The following FAM117B variants were observed in gnomAD, a reference collection of about 807,000 sequenced individuals.
The protein encoded by FAM117B is protein FAM117B.
In FAM117B, 22 loss-of-function variants were observed where a neutral mutation model predicts 52.8. The ratio of observed to expected loss-of-function variants is 0.42; its 90% CI spans 0.30 to 0.59. The LOEUF is 0.59. FAM117B is among the 20% of genes least tolerant of loss of function. The pLI is 0.22. For synonymous variants in FAM117B, 309 were observed against 324.1 expected, an observed-to-expected ratio of 0.95 and a Z score of 0.50; for missense variants, 678 against 802.6, an observed-to-expected ratio of 0.84 and a Z score of 1.88.
intron 1 of FAM117B, among the ~76,000 whole-genome samples, chr2:202,694,782 G>A (rs955193536): frequency 6.6e-6 from 1 of 151,966 alleles, no homozygotes; most frequent in Non-Finnish European, 1.5e-5. Flanking sequence ...TAATCTTTTG[G>A]GCTGGTACTA....
intron 1 of FAM117B, among the ~76,000 whole-genome samples, chr2:202,643,534 A>G (rs1689799491): frequency 6.6e-6 from 1 of 152,166 alleles, no homozygotes; most frequent in Non-Finnish European, 1.5e-5. Flanking sequence ...TTTTAAATTT[A>G]AATTTATTTT....
intron 1 of FAM117B, among the ~76,000 whole-genome samples, chr2:202,695,437 A>G (rs752637611): frequency 2.0e-5 from 3 of 151,876 alleles, no homozygotes; most frequent in Admixed American, 6.6e-5. Context: ...CCTTTGTCCA[A>G]CGTATGCACG....
chr2:202,708,847 TC>T (rs1191347215), intron 2 of FAM117B, among the ~76,000 whole-genome samples: 2 of 152,070 alleles, frequency 1.3e-5, no homozygotes, highest in African/African-American at 4.8e-5. Context: ...CAAGCGATCC[TC>T]CCACCTCAGC....
chr2:202,741,685 C>T (rs980920937), intron 4 of FAM117B, among the ~76,000 whole-genome samples: 30 of 151,884 alleles, frequency 2.0e-4, no homozygotes, highest in Admixed American at 1.2e-3. Flanking sequence ...TACAGGCGCC[C>T]GCCACCTCGC....
chr2:202,742,132 A>C (rs117481942), intron 4 of FAM117B, among the ~76,000 whole-genome samples: 3,775 of 152,296 alleles, frequency 0.025, 188 homozygotes, highest in East Asian at 0.16. Flanking sequence ...ATTTAACACA[A>C]TCCCAATAAA....
chr2:202,710,296 T>C (rs930788691), intron 2 of FAM117B, among the ~76,000 whole-genome samples: 1 of 152,214 alleles, frequency 6.6e-6, no homozygotes, highest in Non-Finnish European at 1.5e-5. Context: ...TTAATTTCTT[T>C]AATCAATGTT....
At chr2:202,660,778 C>G (rs1192406193) in intron 1 of FAM117B, among the ~76,000 whole-genome samples, 3 of 152,238 alleles carry the variant, frequency 2.0e-5, no homozygotes, top group Non-Finnish European at 4.4e-5. Flanking sequence ...CCTGGTTTCT[C>G]TCTGCACTGT....
chr2:202,747,243 A>C (rs1171555352), intron 4 of FAM117B, among the ~76,000 whole-genome samples: 1 of 152,158 alleles, frequency 6.6e-6, no homozygotes, highest in Non-Finnish European at 1.5e-5. Flanking sequence ...CATGGTAAAA[A>C]CTCTCAACAA....
intron 2 of FAM117B, among the ~76,000 whole-genome samples, chr2:202,715,228 C>T (rs1325641797): frequency 4.0e-5 from 6 of 149,586 alleles, no homozygotes; most frequent in African/African-American, 1.2e-4. Flanking sequence ...ACCTCCCTCC[C>T]GGACGGGGCG....
intron 4 of FAM117B, among the ~76,000 whole-genome samples, chr2:202,746,999 C>A (rs750138202): frequency 2.0e-5 from 3 of 149,948 alleles, no homozygotes; most frequent in Non-Finnish European, 3.0e-5. Context: ...GGGCCAGTAT[C>A]CCTATTGAAC....
In FAM117B at chr2:202,681,756, T is replaced by A. The variant is rs530200603; in HGVS notation, c.602-14125T>A. ...TGCATTGTAGAACACTCAGCGACAG[T>A]GATAGGGACAGGAGGCAGGGAAATT... On this transcript the variant is annotated intron_variant, in intron 1 of 7. Transcript: ENST00000392238. Among the ~76,000 whole-genome samples, 171 of 152,292 alleles carry A rather than the reference T, an allele frequency of 1.1e-3. 1 individual carries two copies. The highest frequency in any genetic ancestry group is 2.1e-3 in the Non-Finnish European group (140 of 68,018).
intron 4 of FAM117B, among the ~76,000 whole-genome samples, chr2:202,736,602 T>C (rs1449006282): frequency 3.3e-5 from 5 of 151,916 alleles, no homozygotes; most frequent in Non-Finnish European, 7.4e-5. Context: ...CTCATCAAAA[T>C]ATACAAAAAA....
At chr2:202,709,614 T>C (rs1479550159) in intron 2 of FAM117B, among the ~76,000 whole-genome samples, 38 of 152,346 alleles carry the variant, frequency 2.5e-4, no homozygotes, top group Non-Finnish European at 7.3e-5. Flanking sequence ...TCTTATTTCT[T>C]AGGTTGCTTT....
chr2:202,666,351 G>A (rs1330619997), intron 1 of FAM117B, among the ~76,000 whole-genome samples: 2 of 151,832 alleles, frequency 1.3e-5, no homozygotes, highest in East Asian at 3.9e-4. Context: ...ATTGAAGTTT[G>A]CATTGGAAAA....
intron 4 of FAM117B, among the ~76,000 whole-genome samples, chr2:202,737,886 A>G (rs1319770083): frequency 2.0e-5 from 3 of 152,136 alleles, no homozygotes; most frequent in Non-Finnish European, 4.4e-5. Flanking sequence ...ACAGGCATGA[A>G]CCACTGTGCC....
chr2:202,759,808 C>G (rs560889522), intron 7 of FAM117B, among the ~76,000 whole-genome samples: 1 of 152,088 alleles, frequency 6.6e-6, no homozygotes, highest in Non-Finnish European at 1.5e-5. Context: ...CCACCTGCCT[C>G]GGCCTACCAA....
At chr2:202,666,085 ACATT>A (rs1193677255) in intron 1 of FAM117B, among the ~76,000 whole-genome samples, 1 of 152,210 alleles carries the variant, frequency 6.6e-6, no homozygotes. Flanking sequence ...ACAGAAGAAA[ACATT>A]CATTCTGCAA....
At chr2:202,716,816 T>C (rs983785855) in intron 2 of FAM117B, among the ~76,000 whole-genome samples, 1 of 152,232 alleles carries the variant, frequency 6.6e-6, no homozygotes, top group African/African-American at 2.4e-5. Flanking sequence ...CTCTAATGCA[T>C]TCTTAAGTAT....
Position 202,765,998 on chromosome 2 carries a change from G to A in FAM117B, c.*234G>A, listed in dbSNP as rs1691971418. On this transcript the variant is annotated 3_prime_UTR_variant, in exon 8 of 8. Transcript: ENST00000392238. The stretch of plus-strand genomic sequence containing the variant: ...CAAAGCACTGATTGAAACAAGAAAG[G>A]TCTCATTCTTTACCTTTGGAGAGAC... 3 of 509,092 alleles carry A rather than the reference G, an allele frequency of 5.9e-6. No individual in the cohort carries two copies. Among genetic ancestry groups the A allele is most frequent in the Admixed American group, 3.5e-5 (1 of 28,776 alleles). 31.5% of individuals were successfully genotyped at this position (509,092 alleles called of 1,614,324 possible).
Sources: allele counts gnomAD v4.1 joint callset (sites outside exome capture counted in the v4.1 genomes callset), GRCh38; gene constraint gnomAD v4.1.1; transcripts MANE v1.5; gene names NCBI Gene and HGNC (gene_info 2026-07-23, HGNC 2026-07-21).